Variants in STK33 observed in about 807,000 individuals in gnomAD.
STK33 encodes the protein serine/threonine-protein kinase 33.
Under a neutral mutation model 58.0 loss-of-function variants are expected in STK33, and 52 were observed. That is an observed-to-expected ratio of 0.90 (90% CI 0.72 to 1.13). STK33 has a LOEUF of 1.13. STK33 is among the 50% of genes most tolerant of loss of function. The pLI is 0.00. For missense variants in STK33, 630 were observed against 604.2 expected (o/e 1.04, Z -0.45); for synonymous variants, 215 against 200.1 (o/e 1.07, Z -0.63).
intron 1 of STK33, among the ~76,000 whole-genome samples, chr11:8,533,664 A>G (rs1156969886): frequency 1.3e-5 from 2 of 152,244 alleles, no homozygotes; most frequent in East Asian, 3.8e-4. Context: ...GAAGTTCACA[A>G]CAAAAAGCCA....
intron 1 of STK33, among the ~76,000 whole-genome samples, chr11:8,573,941 G>A (rs1411381768): frequency 6.6e-6 from 1 of 152,198 alleles, no homozygotes; most frequent in Non-Finnish European, 1.5e-5. Context: ...AAAGGAAGGA[G>A]TAGACAAGGG....
At chr11:8,357,446 G>A in the STK33 span, among the ~76,000 whole-genome samples, 2 of 152,218 alleles carry the variant, frequency 1.3e-5, no homozygotes, top group Non-Finnish European at 2.9e-5. Context: ...AAATGAAGAT[G>A]AATATTCATA....
chr11:8,348,190 C>G, the STK33 span, among the ~76,000 whole-genome samples: 5 of 152,210 alleles, frequency 3.3e-5, no homozygotes, highest in Non-Finnish European at 7.3e-5. Context: ...CCTCTTCCTG[C>G]AAGGGGGAAC....
At chr11:8,378,473 G>C in the STK33 span, among the ~76,000 whole-genome samples, 2 of 152,130 alleles carry the variant, frequency 1.3e-5, no homozygotes, top group African/African-American at 4.8e-5. Context: ...AGTCAAGATC[G>C]CACCATTGCA....
intron 14 of STK33, among the ~76,000 whole-genome samples, chr11:8,425,936 G>A (rs992091127): frequency 1.3e-5 from 2 of 151,446 alleles, no homozygotes; most frequent in African/African-American, 4.9e-5. Context: ...GGCAGCATCT[G>A]GAGGTGAATG....
At chr11:8,417,317 G>C (rs1333526903) in intron 14 of STK33, among the ~76,000 whole-genome samples, 2 of 151,912 alleles carry the variant, frequency 1.3e-5, no homozygotes, top group African/African-American at 4.8e-5. Flanking sequence ...ATTTAATATC[G>C]AACAACTAGA....
chr11:8,464,678 C>A, intron 7 of STK33, 31 bp downstream of exon 7: 3 of 1,500,272 alleles, frequency 2.0e-6, no homozygotes, highest in Non-Finnish European at 2.8e-6. Flanking sequence ...TAACACTGTG[C>A]CCTCAGTAGG....
At chr11:8,521,867 C>G (rs1382015105) in intron 1 of STK33, among the ~76,000 whole-genome samples, 1 of 152,098 alleles carries the variant, frequency 6.6e-6, no homozygotes, top group African/African-American at 2.4e-5. Context: ...CCAATAGACA[C>G]ATGAAAAAAA....
intron 1 of STK33, among the ~76,000 whole-genome samples, chr11:8,578,666 A>C (rs910360139): frequency 2.0e-5 from 3 of 151,994 alleles, no homozygotes; most frequent in Admixed American, 6.6e-5. Context: ...CAGGGAAATT[A>C]AATGGGTATC....
chr11:8,527,484 T>G (rs925773204), intron 1 of STK33, among the ~76,000 whole-genome samples: 1 of 152,186 alleles, frequency 6.6e-6, no homozygotes, highest in Non-Finnish European at 1.5e-5. Context: ...TTTTGTTTTT[T>G]TTTTTAACAG....
At chr11:8,588,193 T>C (rs2032026894) in intron 1 of STK33, among the ~76,000 whole-genome samples, 1 of 152,082 alleles carries the variant, frequency 6.6e-6, no homozygotes, top group South Asian at 2.1e-4. Flanking sequence ...ACCAGCACAC[T>C]GGGGATTTAG....
rs139273274 is a variant in STK33 at position 8,447,098 on chromosome 11, C to G, written c.871+5724G>C. On this transcript the variant is annotated intron_variant, in intron 11 of 15. Transcript: ENST00000687296. The stretch of plus-strand genomic sequence containing the variant: ...ACAAAGGGCTAATATCCAGAATTTA[C>G]AGGGAACTTAAACTTACAAGAAAAG... Among the ~76,000 whole-genome samples the G allele has an allele frequency of 1.1e-3, 161 of 152,156 alleles. 1 individual carries two copies. Among genetic ancestry groups the G allele is most frequent in the African/African-American group, 3.6e-3 (151 of 41,518 alleles).
At chr11:8,593,671 G>A (rs557249208) in intron 1 of STK33, 4 of 152,246 alleles carry the variant, frequency 2.6e-5, no homozygotes, top group Admixed American at 2.6e-4. Flanking sequence ...GTCCCACTAG[G>A]TACCAGGCTC....
At chr11:8,395,777 A>G (rs1336913073) in intron 15 of STK33, among the ~76,000 whole-genome samples, 1 of 152,204 alleles carries the variant, frequency 6.6e-6, no homozygotes, top group Non-Finnish European at 1.5e-5. Flanking sequence ...GACATTTTGC[A>G]CGTTCGTAAG....
intron 1 of STK33, among the ~76,000 whole-genome samples, chr11:8,514,098 C>T (rs961237044): frequency 1.4e-4 from 21 of 152,134 alleles, no homozygotes; most frequent in African/African-American, 5.1e-4. Flanking sequence ...GCTTATTTCA[C>T]TTAACATAAT....
At chr11:8,517,892 T>C (rs998818381) in intron 1 of STK33, among the ~76,000 whole-genome samples, 1 of 151,982 alleles carries the variant, frequency 6.6e-6, no homozygotes, top group African/African-American at 2.4e-5. Context: ...AAGGGAAGAA[T>C]GGAACCAAGT....
chr11:8,536,775 GTTGTTTGT>G (rs971181544), intron 1 of STK33, among the ~76,000 whole-genome samples: 3 of 149,670 alleles, frequency 2.0e-5, no homozygotes, highest in East Asian at 3.9e-4. Context: ...TTGTTTATTT[GTTGTTTGT>G]TTGTTTGTTT....
chr11:8,569,687 T>C (rs1957672763), intron 1 of STK33, among the ~76,000 whole-genome samples: 1 of 152,150 alleles, frequency 6.6e-6, no homozygotes, highest in African/African-American at 2.4e-5. Context: ...CCAGGAATGG[T>C]GGCTCACACT....
At chr11:8,459,932 G>A (rs12793653) in intron 8 of STK33, among the ~76,000 whole-genome samples, 9,917 of 152,250 alleles carry the variant, frequency 0.065, 442 homozygotes, top group Middle Eastern at 0.11. Flanking sequence ...CTTACACACA[G>A]CCAGGAACAG....
Sources: gnomAD v4.1 joint callset for allele counts (sites outside exome capture counted in the v4.1 genomes callset) on GRCh38, gnomAD v4.1.1 for gene constraint, MANE v1.5 for transcripts, NCBI Gene and HGNC (gene_info 2026-07-23, HGNC 2026-07-21) for gene names.